NSUN6: variants seen among roughly 807,000 people sequenced by gnomAD.
NSUN6 encodes NOP2/Sun RNA methyltransferase 6, also known as tRNA (cytosine(72)-C(5))-methyltransferase NSUN6.
NSUN6 carries 64 observed loss-of-function variants against 58.0 expected under a neutral mutation model. That is an observed-to-expected ratio of 1.10 (90% CI 0.90 to 1.36). The LOEUF (loss-of-function observed/expected upper bound fraction) is 1.36, where lower values mean the gene tolerates loss of function less well. Among genes scored for constraint, NSUN6 ranks in the 40% most tolerant of loss-of-function variants. The pLI, the probability that NSUN6 is intolerant of heterozygous loss-of-function variation, is 0.00. For missense variants in NSUN6, 701 were observed against 550.1 expected, an observed-to-expected ratio of 1.27 and a Z score of -2.74; for synonymous variants, 231 against 193.9, an observed-to-expected ratio of 1.19 and a Z score of -1.59.
At chr10:18,628,659 T>C (rs1347896481) in intron 3 of NSUN6, among the ~76,000 whole-genome samples, 1 of 151,958 alleles carries the variant, frequency 6.6e-6, no homozygotes, top group Non-Finnish European at 1.5e-5. Context: ...GTATCAGCGA[T>C]GGAAGATGAA....
At chr10:18,633,992 T>C (rs1475755480) in intron 3 of NSUN6, among the ~76,000 whole-genome samples, 1 of 152,230 alleles carries the variant, frequency 6.6e-6, no homozygotes, top group African/African-American at 2.4e-5. Flanking sequence ...ACATATTTGA[T>C]TAGTCCCATA....
At chr10:18,567,682 T>C (rs2056064830) in intron 8 of NSUN6, among the ~76,000 whole-genome samples, 1 of 151,322 alleles carries the variant, frequency 6.6e-6, no homozygotes, top group Non-Finnish European at 1.5e-5. Flanking sequence ...CCGCATTCCA[T>C]TCCATTCTCC....
At chr10:18,597,391 C>T (rs1037002688) in intron 6 of NSUN6, among the ~76,000 whole-genome samples, 3 of 152,182 alleles carry the variant, frequency 2.0e-5, no homozygotes, top group Admixed American at 2.0e-4. Context: ...ATTTGGGATC[C>T]TCACAATTGT....
chr10:18,559,555 A>G (rs976425674), intron 8 of NSUN6, among the ~76,000 whole-genome samples: 3 of 150,624 alleles, frequency 2.0e-5, no homozygotes, highest in African/African-American at 4.9e-5. Context: ...AATAGAAACG[A>G]ATTGAATGGA....
intron 2 of NSUN6, among the ~76,000 whole-genome samples, chr10:18,644,258 C>T (rs935905559): frequency 6.6e-6 from 1 of 152,058 alleles, no homozygotes; most frequent in Non-Finnish European, 1.5e-5. Flanking sequence ...ACCAAGCATC[C>T]CTAGTCTAAA....
At chr10:18,624,452 G>A (rs182478125) in intron 3 of NSUN6, among the ~76,000 whole-genome samples, 1 of 151,720 alleles carries the variant, frequency 6.6e-6, no homozygotes, top group African/African-American at 2.4e-5. Context: ...GAGGAGGGTG[G>A]ATCACTAGGT....
intron 10 of NSUN6, 121 bp from the exon 11 acceptor site, chr10:18,546,266 T>C (rs2054254336): frequency 4.0e-6 from 3 of 750,552 alleles, no homozygotes; most frequent in Non-Finnish European, 4.8e-6. Context: ...AATAGAAAAA[T>C]GAGTAAATGC....
chr10:18,582,616 C>G (rs572300140), intron 8 of NSUN6, among the ~76,000 whole-genome samples: 1 of 152,290 alleles, frequency 6.6e-6, no homozygotes, highest in Admixed American at 6.5e-5. Flanking sequence ...GATGGTGGGG[C>G]AACTTATGTC....
At chr10:18,611,529 TTTTA>T (rs956639329) in intron 5 of NSUN6, among the ~76,000 whole-genome samples, 5 of 151,992 alleles carry the variant, frequency 3.3e-5, no homozygotes, top group African/African-American at 7.2e-5. Context: ...TTGTTGTTGG[TTTTA>T]TTTATTTATT....
At chr10:18,592,902 C>T (rs2057432251) in intron 7 of NSUN6, among the ~76,000 whole-genome samples, 1 of 152,040 alleles carries the variant, frequency 6.6e-6, no homozygotes, top group South Asian at 2.1e-4. Context: ...GCAAAAGAAA[C>T]TATCATTGGA....
chr10:18,638,929 T>C (rs2059305863), intron 3 of NSUN6, among the ~76,000 whole-genome samples: 1 of 131,514 alleles, frequency 7.6e-6, no homozygotes, highest in South Asian at 2.4e-4. Flanking sequence ...ATAACAATGT[T>C]ATAAAGCTTG....
At chr10:18,614,369 T>C (rs2058337779) in intron 5 of NSUN6, 91 bp downstream of exon 5, 2 of 731,190 alleles carry the variant, frequency 2.7e-6, no homozygotes, top group African/African-American at 1.8e-5. Flanking sequence ...AAAAATTTCA[T>C]ATAATGCAAC....
intron 7 of NSUN6, among the ~76,000 whole-genome samples, chr10:18,586,716 G>C (rs375410042): frequency 4.6e-5 from 7 of 152,378 alleles, no homozygotes; most frequent in African/African-American, 1.7e-4. Context: ...GCGGCAGCAA[G>C]ATTTATTGTG....
intron 7 of NSUN6, among the ~76,000 whole-genome samples, chr10:18,593,082 G>A (rs1460645969): frequency 1.3e-5 from 2 of 152,124 alleles, no homozygotes; most frequent in African/African-American, 2.4e-5. Context: ...CAACATTTAT[G>A]CTGCCAATAA....
At chr10:18,619,713 C>T (rs556260660) in intron 3 of NSUN6, among the ~76,000 whole-genome samples, 2 of 151,768 alleles carry the variant, frequency 1.3e-5, no homozygotes, top group African/African-American at 2.4e-5. Context: ...CTAAAAAACT[C>T]GGAAATACTT....
intron 8 of NSUN6, among the ~76,000 whole-genome samples, chr10:18,574,026 CT>C (rs1040195643): frequency 3.3e-5 from 5 of 152,084 alleles, no homozygotes; most frequent in Non-Finnish European, 2.9e-5. Context: ...ATAACTGCCC[CT>C]GTTTTAGCCT....
intron 10 of NSUN6, among the ~76,000 whole-genome samples, chr10:18,547,786 A>G (rs917287222): frequency 7.7e-6 from 1 of 130,388 alleles, no homozygotes; most frequent in African/African-American, 2.8e-5. Context: ...TCAGAAAAAT[A>G]CAGGACTGGG....
At chr10:18,652,567 CTCT>C (rs1451449284), upstream of NSUN6, 41 of 956,182 alleles carry the variant, frequency 4.3e-5, no homozygotes, top group Middle Eastern at 5.4e-4. Context: ...ATTTTCTCTG[CTCT>C]TTTTTTTTTT....
intron 3 of NSUN6, among the ~76,000 whole-genome samples, chr10:18,620,411 T>C (rs137940194): frequency 5.5e-4 from 83 of 152,252 alleles, no homozygotes; most frequent in African/African-American, 1.8e-3. Flanking sequence ...GCTTCTTAAG[T>C]CTATGAAAAA....
Sources: allele counts gnomAD v4.1 joint callset (sites outside exome capture counted in the v4.1 genomes callset), GRCh38; gene constraint gnomAD v4.1.1; transcripts MANE v1.5; gene names NCBI Gene and HGNC (gene_info 2026-07-23, HGNC 2026-07-21).